SLC5A1: variants seen among roughly 807,000 people sequenced by gnomAD.
SLC5A1 encodes the protein solute carrier family 5 member 1.
A neutral mutation model predicts 73.5 loss-of-function variants in SLC5A1; 42 were observed. The observed-to-expected ratio is 0.57, with a 90% CI of 0.45 to 0.74. SLC5A1 has a LOEUF of 0.74. Ranked by LOEUF, SLC5A1 falls within the 30% of genes least tolerant of loss-of-function variation. SLC5A1 has a pLI of 0.00. For missense variants in SLC5A1, 634 were observed against 855.4 expected (o/e 0.74, Z 3.23); for synonymous variants, 300 against 317.4 (o/e 0.95, Z 0.58).
At chr22:32,044,448 T>TA (rs2093934443) in intron 1 of SLC5A1, among the ~76,000 whole-genome samples, 1 of 151,998 alleles carries the variant, frequency 6.6e-6, no homozygotes, top group African/African-American at 2.4e-5. Context: ...TCTTTTGACT[T>TA]AGAGGAGAGG....
chr22:32,069,399 G>A lies in SLC5A1; in HGVS notation c.477+799G>A, dbSNP rs549739807. Among the ~76,000 whole-genome samples, 21 of 152,150 alleles carry A rather than the reference G, an allele frequency of 1.4e-4. No homozygotes were observed. The South Asian group carries it at 1.7e-3, about 12-fold the overall frequency. On this transcript the variant is annotated intron_variant, in intron 5 of 14. Transcript: ENST00000266088. Reference sequence around the variant, plus strand: ...ATAACAATGTGTTTTGAAAATCAGAGAAAGATTTTAGCTGGGCTTAGTAGT... The same window carrying A: ...ATAACAATGTGTTTTGAAAATCAGAAAAAGATTTTAGCTGGGCTTAGTAGT...
intron 1 of SLC5A1, among the ~76,000 whole-genome samples, chr22:32,049,073 A>T (rs892199926): frequency 4.6e-5 from 2 of 43,382 alleles, no homozygotes; most frequent in African/African-American, 9.8e-5. Context: ...GACTTTGTCT[A>T]AAATAAATAA....
intron 2 of SLC5A1, among the ~76,000 whole-genome samples, chr22:32,058,228 A>C (rs2093954836): frequency 6.6e-6 from 1 of 152,178 alleles, no homozygotes. Context: ...GCTGCACACT[A>C]TTCCATCATA....
chr22:32,101,737 C>T (rs74748244), intron 12 of SLC5A1, among the ~76,000 whole-genome samples: 6,839 of 152,184 alleles, frequency 0.045, 206 homozygotes, highest in Non-Finnish European at 0.07. Flanking sequence ...CATTCTATTC[C>T]AGTTATTAGA....
rs771248492 is a variant in SLC5A1, at chr22:32,068,570, C to T, written c.447C>T (p.Ser149=). Residue 149 remains serine, a synonymous_variant, in exon 5 of 15, where the codon TCC becomes TCT. Coordinates refer to ENST00000266088, the MANE Select transcript of SLC5A1 (RefSeq NM_000343.4). The part of the protein sequence containing the change: ...QRIQVYLSLL[S]LLLYIFTKIS... ...TCCAGGTCTACCTTTCCCTTCTGTC[C>T]CTGCTGCTCTACATTTTCACCAAGA... is the stretch of plus-strand genomic sequence containing the variant. 10 of 1,613,608 alleles carry T rather than the reference C, an allele frequency of 6.2e-6. No homozygotes were observed. The highest frequency in any genetic ancestry group is 8.5e-6 in the Non-Finnish European group (10 of 1,179,796).
chr22:32,103,872 C>A (rs1302911508), intron 13 of SLC5A1, among the ~76,000 whole-genome samples: 1 of 152,196 alleles, frequency 6.6e-6, no homozygotes, highest in Non-Finnish European at 1.5e-5. Flanking sequence ...AGAATTCATT[C>A]ATGGCTCTCC....
At chr22:32,069,808 A>G (rs574080557) in intron 5 of SLC5A1, among the ~76,000 whole-genome samples, 7 of 152,332 alleles carry the variant, frequency 4.6e-5, no homozygotes, top group Middle Eastern at 3.4e-3. Context: ...ACAAGCAGCC[A>G]GTGCCAACTC....
At chr22:32,081,444 G>T (rs1319990480) in intron 5 of SLC5A1, among the ~76,000 whole-genome samples, 1 of 152,166 alleles carries the variant, frequency 6.6e-6, no homozygotes, top group Admixed American at 6.5e-5. Context: ...CCAGCACTCA[G>T]ACTTGCTTTT....
intron 1 of SLC5A1, among the ~76,000 whole-genome samples, chr22:32,049,319 T>G (rs2093942098): frequency 6.7e-6 from 1 of 148,906 alleles, no homozygotes; most frequent in Non-Finnish European, 1.5e-5. Flanking sequence ...TTAGTACAAA[T>G]GCCTTGCATT....
At position 32,043,494 on chromosome 22, in the gene SLC5A1, G is replaced by T. The variant is rs2093933014; in HGVS notation, c.135+78G>T. 2.0e-5 allele frequency: 30 copies of T among 1,497,298 alleles called. No individual in the cohort carries two copies. Among genetic ancestry groups the T allele is most frequent in the Non-Finnish European group, 2.7e-5 (29 of 1,083,846 alleles). 92.8% of individuals were successfully genotyped at this position (1,497,298 alleles called of 1,614,324 possible). On this transcript the variant is annotated intron_variant, in intron 1 of 14. Coordinates refer to ENST00000266088, the MANE Select transcript of SLC5A1 (RefSeq NM_000343.4). This position sits in a 1 kb window ranked among gnomAD's most constrained non-coding sequence, Gnocchi z 6.5. ...CAATGGCCTCGCTGAGCTGCAAGGG[G>T]CAGTAGGCTTAAGTGTCGGTGGAGG...
intron 2 of SLC5A1, among the ~76,000 whole-genome samples, chr22:32,052,869 T>G (rs2093946875): frequency 6.6e-6 from 1 of 152,174 alleles, no homozygotes; most frequent in South Asian, 2.1e-4. Context: ...ACCTGAGACC[T>G]GAGTCTATAT....
chr22:32,045,569 T>C (rs2093936047), intron 1 of SLC5A1, among the ~76,000 whole-genome samples: 1 of 152,226 alleles, frequency 6.6e-6, no homozygotes, highest in Admixed American at 6.5e-5. Context: ...CCCATTGTGT[T>C]TCTTCAACTT....
At position 32,084,710 on chromosome 22, in the gene SLC5A1, A is replaced by C. The variant is rs1373233923; in HGVS notation, c.885+51A>C. 4 of 1,559,926 alleles carry C rather than the reference A, an allele frequency of 2.6e-6. No homozygotes were observed. The African/African-American group carries it at 5.4e-5, about 21-fold the overall frequency. On this transcript the variant is annotated intron_variant, in intron 8 of 14. Transcript: ENST00000266088. Reference sequence around the variant, plus strand: ...GACAGAGTCTTCTCCAGGGCCCTACAGGAACTCCTGTCTGTCTGTGGTTTG... The same window carrying C: ...GACAGAGTCTTCTCCAGGGCCCTACCGGAACTCCTGTCTGTCTGTGGTTTG...
intron 7 of SLC5A1, 128 bp from the exon 8 acceptor site, chr22:32,084,311 C>T: frequency 1.3e-6 from 1 of 799,980 alleles, no homozygotes; most frequent in Admixed American, 2.0e-5. Context: ...GGTGATTTGC[C>T]CAAGGCCACT....
chr22:32,109,852 G>GGGGAAATTTGGGGAAATTTCTCATTTTT (rs2094053004), intron 14 of SLC5A1, 138 bp from the exon 15 acceptor site: 2 of 676,980 alleles, frequency 3.0e-6, no homozygotes, highest in African/African-American at 1.8e-5. Flanking sequence ...AGAAAATATG[G>GGGGAAATTTGGGGAAATTTCTCATTTTT]GGGAAATTTG....
chr22:32,058,913 T>C (rs1029527737), intron 2 of SLC5A1, among the ~76,000 whole-genome samples: 25 of 152,200 alleles, frequency 1.6e-4, no homozygotes, highest in Non-Finnish European at 2.8e-4. Flanking sequence ...GGCATGTCCC[T>C]GAGAAGAGTC....
chr22:32,079,364 AG>A (rs1243508273), intron 5 of SLC5A1, among the ~76,000 whole-genome samples: 2 of 152,216 alleles, frequency 1.3e-5, no homozygotes, highest in Non-Finnish European at 2.9e-5. Flanking sequence ...TCAATTCACC[AG>A]GGAGGTTTCC....
chr22:32,104,716 T>C lies in SLC5A1; in HGVS notation c.1666-70T>C, dbSNP rs1025889988. ...TTCCCTTCCTTGATGCATATCTCTT[T>C]GCCCCCCCAACTTCTTGTCCCAAGA... On this transcript the variant is annotated intron_variant, in intron 13 of 14. Transcript: ENST00000266088. 8.5e-6 allele frequency: 10 copies of C among 1,182,522 alleles called. No individual in the cohort carries two copies. In the Admixed American group the frequency reaches 1.4e-4, roughly 17 times the overall value. The allele number at this position is 1,182,522 out of a possible 1,614,324, so 73.3% of individuals were successfully genotyped here. A position where few individuals can be genotyped will look rare whatever the true frequency, so the allele number is the denominator to read the frequency against.
chr22:32,106,196 C>A (rs779604639), intron 14 of SLC5A1, among the ~76,000 whole-genome samples: 7 of 152,180 alleles, frequency 4.6e-5, no homozygotes, highest in Non-Finnish European at 8.8e-5. Context: ...AACTTTCATT[C>A]CCACCAACAG....
Sources: gnomAD v4.1 joint callset for allele counts (sites outside exome capture counted in the v4.1 genomes callset) on GRCh38, gnomAD v4.1.1 for gene constraint, Gnocchi (gnomAD v3.1) non-coding constraint, MANE v1.5 for transcripts, NCBI Gene and HGNC (gene_info 2026-07-23, HGNC 2026-07-21) for gene names.